DPP10: variants seen among roughly 807,000 people sequenced by gnomAD.
The protein encoded by DPP10 is inactive dipeptidyl peptidase 10.
Under a neutral mutation model 120.9 loss-of-function variants are expected in DPP10, and 33 were observed. That is an observed-to-expected ratio of 0.27 (90% CI 0.21 to 0.37). DPP10 has a LOEUF of 0.37. Among genes scored for constraint, DPP10 ranks in the 10% least tolerant of loss-of-function variants. The pLI, the probability that DPP10 is intolerant of heterozygous loss-of-function variation, is 1.00. For synonymous variants in DPP10, 337 were observed against 326.1 expected, an observed-to-expected ratio of 1.03 and a Z score of -0.36; for missense variants, 816 against 942.8, an observed-to-expected ratio of 0.87 and a Z score of 1.76.
At chr2:115,228,470 T>C (rs1245512681) in intron 1 of DPP10, among the ~76,000 whole-genome samples, 7 of 152,124 alleles carry the variant, frequency 4.6e-5, no homozygotes, top group African/African-American at 1.7e-4. Context: ...TCTAACTATA[T>C]TTTTGTACCC....
intron 1 of DPP10, among the ~76,000 whole-genome samples, chr2:114,541,267 C>T (rs1162503157): frequency 3.9e-5 from 6 of 152,114 alleles, no homozygotes; most frequent in East Asian, 3.8e-4. Context: ...TGGATATTTT[C>T]GGAGGTTGAA....
intron 3 of DPP10, among the ~76,000 whole-genome samples, chr2:115,448,738 T>C (rs2072844521): frequency 6.6e-6 from 1 of 152,128 alleles, no homozygotes; most frequent in Non-Finnish European, 1.5e-5. Flanking sequence ...CTCATGAAAA[T>C]GCATAGGTAA....
intron 1 of DPP10, among the ~76,000 whole-genome samples, chr2:115,085,301 A>C (rs1708600398): frequency 1.3e-5 from 2 of 152,000 alleles, no homozygotes; most frequent in Admixed American, 1.3e-4. Flanking sequence ...CACCTCCACC[A>C]ATGTGTGTAT....
chr2:114,915,059 A>G (rs2106635842), intron 1 of DPP10, among the ~76,000 whole-genome samples: 1 of 152,182 alleles, frequency 6.6e-6, no homozygotes, highest in East Asian at 1.9e-4. Flanking sequence ...TGAACCCGGG[A>G]GGCGGAGCTT....
chr2:115,390,083 A>G (rs1218249344), intron 3 of DPP10, among the ~76,000 whole-genome samples: 5 of 152,194 alleles, frequency 3.3e-5, no homozygotes, highest in Non-Finnish European at 7.4e-5. Context: ...ATTACATTGT[A>G]TGATTTTTGC....
At position 115,057,931 on chromosome 2, in the gene DPP10, C is replaced by G. The variant is rs1706063009; in HGVS notation, c.61-251308C>G. On this transcript the variant is annotated intron_variant, in intron 1 of 25. Transcript: ENST00000410059. ...AAGTTTGACTGGAACTAGGTACAAG[C>G]CTACTTTTTCTTTGATTTACTTACA... 1.3e-5 allele frequency among the ~76,000 whole-genome samples: 2 copies of G among 152,132 alleles called. 1 individual carries two copies. The highest frequency in any genetic ancestry group is 3.9e-4 in the East Asian group (2 of 5,172).
chr2:115,068,231 A>G (rs1707083968), intron 1 of DPP10, among the ~76,000 whole-genome samples: 1 of 151,718 alleles, frequency 6.6e-6, no homozygotes, highest in Admixed American at 6.6e-5. Context: ...AACACTGATT[A>G]TCTTTTGTCT....
At chr2:115,231,759 A>G (rs113172351) in intron 1 of DPP10, among the ~76,000 whole-genome samples, 111 of 152,060 alleles carry the variant, frequency 7.3e-4, no homozygotes, top group African/African-American at 2.6e-3. Flanking sequence ...CTTGTGGTTC[A>G]CTCTTTTCTG....
chr2:114,599,028 C>T (rs1027687800), intron 1 of DPP10, among the ~76,000 whole-genome samples: 1 of 151,678 alleles, frequency 6.6e-6, no homozygotes, highest in Non-Finnish European at 1.5e-5. Context: ...AAGAGTTCTG[C>T]GTTTGCTTGA....
intron 5 of DPP10, among the ~76,000 whole-genome samples, chr2:115,671,821 A>G (rs1218749475): frequency 6.6e-6 from 1 of 152,154 alleles, no homozygotes; most frequent in Non-Finnish European, 1.5e-5. Flanking sequence ...CAGCATTTCT[A>G]GAGACCAGCA....
intron 21 of DPP10, among the ~76,000 whole-genome samples, chr2:115,831,995 G>C (rs974084125): frequency 5.3e-5 from 8 of 152,116 alleles, no homozygotes; most frequent in Admixed American, 5.2e-4. Context: ...TACTACAGAC[G>C]ATATGGTGAT....
At chr2:115,133,145 G>GTGTGTGTGTATATATATA (rs1338395575) in intron 1 of DPP10, among the ~76,000 whole-genome samples, 2 of 28,772 alleles carry the variant, frequency 7.0e-5, no homozygotes, top group Admixed American at 5.2e-4. Context: ...GTGTGTGTGT[G>GTGTGTGTGTATATATATA]TATATATATA....
At chr2:115,651,643 T>A (rs1442623616) in intron 5 of DPP10, among the ~76,000 whole-genome samples, 1 of 152,014 alleles carries the variant, frequency 6.6e-6, no homozygotes, top group Admixed American at 6.6e-5. Context: ...ATACTGTCAG[T>A]CAGGGTACAG....
intron 1 of DPP10, among the ~76,000 whole-genome samples, chr2:114,554,591 C>T (rs1688141216): frequency 6.6e-6 from 1 of 152,212 alleles, no homozygotes; most frequent in African/African-American, 2.4e-5. Flanking sequence ...TGCTACCCTA[C>T]ACCCCTCAAC....
At chr2:115,262,280 C>T (rs2105757903) in intron 1 of DPP10, among the ~76,000 whole-genome samples, 1 of 151,994 alleles carries the variant, frequency 6.6e-6, no homozygotes, top group African/African-American at 2.4e-5. Flanking sequence ...AGTCTTTTGT[C>T]ATCAGTAGCT....
At chr2:114,460,169 ATATC>A (rs10686701) in intron 1 of DPP10, among the ~76,000 whole-genome samples, 28,639 of 148,250 alleles carry the variant, frequency 0.19, 2,782 homozygotes, top group African/African-American at 0.21. Context: ...ATTTGGGATG[ATATC>A]TATCTATCTA....
At chr2:115,651,474 A>G (rs2087765144) in intron 5 of DPP10, among the ~76,000 whole-genome samples, 1 of 152,088 alleles carries the variant, frequency 6.6e-6, no homozygotes. Flanking sequence ...TTATTAAGCA[A>G]TTAGAAGAAG....
intron 1 of DPP10, among the ~76,000 whole-genome samples, chr2:115,229,544 G>C (rs2057626759): frequency 6.6e-6 from 1 of 152,008 alleles, no homozygotes; most frequent in Non-Finnish European, 1.5e-5. Flanking sequence ...TTTTATCCAT[G>C]TTTATTTGAT....
At chr2:114,598,236 G>A (rs1692084738) in intron 1 of DPP10, among the ~76,000 whole-genome samples, 1 of 151,900 alleles carries the variant, frequency 6.6e-6, no homozygotes, top group Admixed American at 6.6e-5. Flanking sequence ...AGAGAAACTT[G>A]TTTTAATATC....
Sources: gnomAD v4.1 joint callset for allele counts (sites outside exome capture counted in the v4.1 genomes callset) on GRCh38, gnomAD v4.1.1 for gene constraint, MANE v1.5 for transcripts, NCBI Gene and HGNC (gene_info 2026-07-23, HGNC 2026-07-21) for gene names.